RAB3GAP2: variants seen among roughly 807,000 people sequenced by gnomAD.
RAB3GAP2 encodes the protein RAB3 GTPase activating non-catalytic protein subunit 2.
In RAB3GAP2, 87 loss-of-function variants were observed where a neutral mutation model predicts 185.3. That is an observed-to-expected ratio of 0.47 (90% CI 0.39 to 0.56). The LOEUF (loss-of-function observed/expected upper bound fraction) is 0.56. Ranked by LOEUF, RAB3GAP2 falls within the 20% of genes least tolerant of loss-of-function variation. RAB3GAP2 has a pLI of 0.00. For synonymous variants in RAB3GAP2, 554 were observed against 576.1 expected (o/e 0.96, Z 0.55); for missense variants, 1,492 against 1,638.2 (o/e 0.91, Z 1.54).
chr1:220,196,071 T>C, intron 10 of RAB3GAP2, 179 bp downstream of exon 10: 1 of 698,096 alleles, frequency 1.4e-6, no homozygotes, highest in Non-Finnish European at 2.4e-6. Context: ...TGGTAGTACC[T>C]TTTCAGTTAA....
At position 220,210,941 on chromosome 1, in the gene RAB3GAP2, T is replaced by C. The variant is rs1026065056; in HGVS notation, c.434+14A>G. ...TCAAAGCAAAGAAAACAGATGACTC[T>C]TATTTATCCTTACCTCTTTTGGCTT... is the stretch of plus-strand genomic sequence containing the variant. On this transcript the variant is annotated intron_variant, in intron 5 of 34. Coordinates refer to ENST00000358951, the MANE Select transcript of RAB3GAP2 (RefSeq NM_012414.4). The C allele has an allele frequency of 1.2e-6, 2 of 1,613,996 alleles. No homozygotes were observed. Among genetic ancestry groups the C allele is most frequent in the Non-Finnish European group, 1.7e-6 (2 of 1,179,940 alleles).
intron 28 of RAB3GAP2, among the ~76,000 whole-genome samples, chr1:220,160,946 T>C (rs1657953633): frequency 6.6e-6 from 1 of 152,236 alleles, no homozygotes; most frequent in African/African-American, 2.4e-5. Flanking sequence ...AATAAAGACT[T>C]ATCCAATCAC....
chr1:220,154,415 G>T, intron 31 of RAB3GAP2: 1 of 230,532 alleles, frequency 4.3e-6, no homozygotes, highest in Non-Finnish European at 8.6e-6. Flanking sequence ...ACTCTCACTT[G>T]TTCTGCAGGA....
chr1:220,266,647 G>T, intron 1 of RAB3GAP2: 3 of 1,408,676 alleles, frequency 2.1e-6, no homozygotes, highest in Non-Finnish European at 3.0e-6. Context: ...TTGGTAGCAT[G>T]TTCCTGAGAG....
chr1:220,194,136 G>A (rs1658678361), intron 12 of RAB3GAP2, among the ~76,000 whole-genome samples: 1 of 152,026 alleles, frequency 6.6e-6, no homozygotes, highest in African/African-American at 2.4e-5. Context: ...CATCCATAAA[G>A]AGGAGGTGTT....
At chr1:220,182,106 G>A (rs1658420673) in intron 21 of RAB3GAP2, 151 bp downstream of exon 21, 2 of 1,217,856 alleles carry the variant, frequency 1.6e-6, no homozygotes, top group South Asian at 3.0e-5. Flanking sequence ...ATTAAATATG[G>A]TGATTAAAAT....
intron 9 of RAB3GAP2, among the ~76,000 whole-genome samples, chr1:220,200,055 C>G (rs552038929): frequency 6.6e-6 from 1 of 152,214 alleles, no homozygotes; most frequent in African/African-American, 2.4e-5. Context: ...GATCTAACCC[C>G]AGTCTGCATC....
At chr1:220,153,149 CT>C in intron 33 of RAB3GAP2, 35 bp downstream of exon 33, 1 of 1,490,598 alleles carries the variant, frequency 6.7e-7, no homozygotes, top group South Asian at 1.1e-5. Flanking sequence ...AATTTTATAA[CT>C]TGAGCCCAAT....
At chr1:220,248,432 T>C (rs1659859893) in intron 1 of RAB3GAP2, among the ~76,000 whole-genome samples, 1 of 152,072 alleles carries the variant, frequency 6.6e-6, no homozygotes, top group Non-Finnish European at 1.5e-5. Context: ...GTATATCAAA[T>C]CATCATGTTG....
intron 26 of RAB3GAP2, among the ~76,000 whole-genome samples, chr1:220,165,603 T>C (rs1248325810): frequency 1.3e-5 from 2 of 152,144 alleles, no homozygotes; most frequent in African/African-American, 4.8e-5. Flanking sequence ...TGTCAAATGG[T>C]GGAGCTGAGA....
chr1:220,196,150 T>C, intron 10 of RAB3GAP2, 100 bp downstream of exon 10: 6 of 1,316,338 alleles, frequency 4.6e-6, no homozygotes, highest in Non-Finnish European at 6.5e-6. Context: ...AAATGTAAAC[T>C]GCTTAATCTT....
intron 13 of RAB3GAP2, 59 bp from the exon 14 acceptor site, chr1:220,191,343 T>A: frequency 1.6e-6 from 1 of 613,614 alleles, no homozygotes; most frequent in Non-Finnish European, 2.5e-6. Flanking sequence ...AGTAGCCTCC[T>A]GAAGTACTCT....
intron 28 of RAB3GAP2, among the ~76,000 whole-genome samples, chr1:220,160,221 A>G (rs536174026): frequency 6.4e-4 from 98 of 152,294 alleles, no homozygotes; most frequent in African/African-American, 2.3e-3. Context: ...ATTTTACTGT[A>G]TATGTCTACA....
chr1:220,252,305 C>T (rs1252193042), intron 1 of RAB3GAP2, among the ~76,000 whole-genome samples: 2 of 151,824 alleles, frequency 1.3e-5, no homozygotes, highest in South Asian at 4.2e-4. Context: ...AAAATGAGAT[C>T]ACAATATAAA....
intron 2 of RAB3GAP2, among the ~76,000 whole-genome samples, chr1:220,221,184 T>G (rs1341202329): frequency 6.6e-6 from 1 of 152,250 alleles, no homozygotes; most frequent in African/African-American, 2.4e-5. Context: ...TTCGAGTTTT[T>G]CTTTTTATGC....
chr1:220,159,953 G>A (rs922120643), intron 28 of RAB3GAP2, among the ~76,000 whole-genome samples: 2 of 151,908 alleles, frequency 1.3e-5, no homozygotes, highest in Non-Finnish European at 2.9e-5. Context: ...GGAGGTAGAG[G>A]TTGCGGTGAG....
At position 220,157,328 on chromosome 1, in the gene RAB3GAP2, T is replaced by A. The variant is rs1657875533; in HGVS notation, c.3497A>T (p.Tyr1166Phe). 1 of 1,613,908 alleles carries A rather than the reference T, an allele frequency of 6.2e-7. No homozygotes were observed. The highest frequency in any genetic ancestry group is 8.5e-7 in the Non-Finnish European group (1 of 1,180,012). Residue 1166 changes from tyrosine to phenylalanine, a missense_variant, in exon 31 of 35, where the codon TAT becomes TTT. Physicochemically the swap from Tyr to Phe is conservative, Grantham distance 22. Coordinates refer to ENST00000358951, the MANE Select transcript of RAB3GAP2 (RefSeq NM_012414.4). Reference sequence around the variant, plus strand: ...CTTCAGAGAAAACCTCATGACTGCATACAAGATGGAGCACAGGATGGAGTG... The same window carrying A: ...CTTCAGAGAAAACCTCATGACTGCAAACAAGATGGAGCACAGGATGGAGTG... ...EHHSILCSIL[Y>F]AVMRFSLKTV...
chr1:220,215,779 A>G (rs1237703918), intron 2 of RAB3GAP2, among the ~76,000 whole-genome samples: 1 of 151,900 alleles, frequency 6.6e-6, no homozygotes, highest in Non-Finnish European at 1.5e-5. Context: ...TGTCATGTAG[A>G]CTCCTACCTT....
chr1:220,156,666 G>C (rs981117553), intron 31 of RAB3GAP2, among the ~76,000 whole-genome samples: 1 of 152,182 alleles, frequency 6.6e-6, no homozygotes, highest in African/African-American at 2.4e-5. Flanking sequence ...GATTATGCCT[G>C]AACTAGGGTT....
Sources: allele counts gnomAD v4.1 joint callset (sites outside exome capture counted in the v4.1 genomes callset), GRCh38; gene constraint gnomAD v4.1.1; transcripts MANE v1.5; gene names NCBI Gene and HGNC (gene_info 2026-07-23, HGNC 2026-07-21).